ANK1: variants seen among roughly 807,000 people sequenced by gnomAD.
ANK1 encodes ankyrin-1.
Under a neutral mutation model 210.4 loss-of-function variants are expected in ANK1, and 51 were observed. That is an observed-to-expected ratio of 0.24 (90% CI 0.19 to 0.31). The LOEUF is 0.31. Among genes scored for constraint, ANK1 ranks in the 10% least tolerant of loss-of-function variants. The probability of loss-of-function intolerance (pLI) is 1.00; values close to 1 mark genes in which losing one functional copy is unlikely to be tolerated. For missense variants in ANK1, 2,051 were observed against 2,504.4 expected (o/e 0.82, Z 3.86); for synonymous variants, 967 against 1,025.9 (o/e 0.94, Z 1.10).
intron 1 of ANK1, among the ~76,000 whole-genome samples, chr8:41,851,435 C>T (rs991979750): frequency 2.6e-5 from 4 of 152,228 alleles, no homozygotes; most frequent in Admixed American, 6.5e-5. Flanking sequence ...TGCCTAGCTC[C>T]GTGCTAGGCA....
In ANK1 at chr8:41,692,640, C is replaced by T; in HGVS notation, c.3858+8G>A. On this transcript the variant is annotated splice_region_variant and intron_variant, in intron 31 of 42. Transcript: ENST00000289734. ...TCCCAGAGGCGGTGCAGGGCCCAGC[C>T]CTGTTACCTCTATGTCCCTGCTCCG... 2 of 1,611,352 alleles carry T rather than the reference C, an allele frequency of 1.2e-6. No individual in the cohort carries two copies. The highest frequency in any genetic ancestry group is 8.5e-7 in the Non-Finnish European group (1 of 1,178,540).
intron 1 of ANK1, among the ~76,000 whole-genome samples, chr8:41,866,069 T>C (rs1188419042): frequency 7.9e-5 from 12 of 152,212 alleles, no homozygotes; most frequent in Non-Finnish European, 1.8e-4. Flanking sequence ...TACCCTTCAG[T>C]GGGGACGTAT....
intron 1 of ANK1, among the ~76,000 whole-genome samples, chr8:41,759,505 A>T (rs1185929730): frequency 2.7e-5 from 4 of 146,484 alleles, no homozygotes; most frequent in African/African-American, 1.0e-4. Flanking sequence ...ACTCCGTCTC[A>T]AAAACAAACA....
intron 1 of ANK1, among the ~76,000 whole-genome samples, chr8:41,877,008 T>C (rs1016992311): frequency 6.6e-6 from 1 of 152,162 alleles, no homozygotes; most frequent in African/African-American, 2.4e-5. Context: ...AATAAGACTT[T>C]ATGGGCTGAG....
chr8:41,879,491 C>T (rs1012360716), intron 1 of ANK1, among the ~76,000 whole-genome samples: 8 of 152,226 alleles, frequency 5.3e-5, no homozygotes, highest in African/African-American at 1.4e-4. Flanking sequence ...GATTCCCTCT[C>T]AACAGAACAG....
chr8:41,828,025 C>T (rs1278521449), intron 1 of ANK1: 3 of 152,002 alleles, frequency 2.0e-5, no homozygotes, highest in Non-Finnish European at 4.4e-5. Context: ...GAAGCCCCCA[C>T]TGTTTGCAAC....
chr8:41,832,298 G>A (rs528356900), intron 1 of ANK1, among the ~76,000 whole-genome samples: 2 of 152,084 alleles, frequency 1.3e-5, no homozygotes, highest in Non-Finnish European at 2.9e-5. Flanking sequence ...CGTTCCCTGG[G>A]ACCCACCTCC....
chr8:41,668,634 T>C (rs1207917024), intron 38 of ANK1, 70 bp from the exon 39 acceptor site: 2 of 1,489,852 alleles, frequency 1.3e-6, no homozygotes, highest in African/African-American at 2.8e-5. Context: ...CCCATCAGTC[T>C]CATTCCTTTT....
chr8:41,757,926 T>G, intron 2 of ANK1, 110 bp downstream of exon 2: 1 of 1,032,182 alleles, frequency 9.7e-7, no homozygotes, highest in Non-Finnish European at 1.5e-6. Context: ...CTGGGGGAGT[T>G]TTGAGGCCAC....
At chr8:41,706,112 C>G in intron 18 of ANK1, 31 bp downstream of exon 18, 1 of 1,602,660 alleles carries the variant, frequency 6.2e-7, no homozygotes, top group Non-Finnish European at 8.5e-7. Flanking sequence ...AAGGAGTCCA[C>G]ACAGACTGAA....
intron 16 of ANK1, among the ~76,000 whole-genome samples, chr8:41,712,113 CG>C (rs902281643): frequency 4.0e-4 from 61 of 152,140 alleles, no homozygotes; most frequent in Middle Eastern, 3.4e-3. Context: ...TTAGTAGAGA[CG>C]GGGTTTCACC....
rs1586364742 is a variant in ANK1 at position 41,714,068 on chromosome 8, C to T, written c.1800+88G>A. The T allele has an allele frequency of 1.0e-5, 10 of 958,432 alleles. No individual in the cohort carries two copies. In the East Asian group the frequency reaches 3.1e-4, roughly 30 times the overall value. 59.4% of individuals were successfully genotyped at this position (958,432 alleles called of 1,614,324 possible). A position where few individuals can be genotyped will look rare whatever the true frequency, so the allele number is the denominator to read the frequency against. ...AGCAACAGAACGCAAAACCCTTGGG[C>T]TGCTGTGGAAACCCCCCTCCCTGAG... On this transcript the variant is annotated intron_variant, in intron 16 of 42. Coordinates refer to ENST00000289734, the MANE Select transcript of ANK1 (RefSeq NM_000037.4).
intron 39 of ANK1, 111 bp from the exon 40 acceptor site, chr8:41,663,853 A>C: frequency 1.5e-5 from 13 of 849,094 alleles, no homozygotes; most frequent in Non-Finnish European, 2.0e-5. Context: ...TGGCCCAATA[A>C]CTCCCCCAGC....
chr8:41,687,757 C>T (rs2150582248), intron 35 of ANK1, among the ~76,000 whole-genome samples: 1 of 152,362 alleles, frequency 6.6e-6, no homozygotes, highest in African/African-American at 2.4e-5. Context: ...GGGCACAGCA[C>T]ATTCTGAGCC....
At chr8:41,724,388 T>C in intron 7 of ANK1, 68 bp downstream of exon 7, 1 of 1,335,744 alleles carries the variant, frequency 7.5e-7, no homozygotes, top group Non-Finnish European at 1.0e-6. Flanking sequence ...AAACCCATGG[T>C]GCCGAGGCAG....
At position 41,684,351 on chromosome 8, in the gene ANK1, G is replaced by T. The variant is rs1283887477; in HGVS notation, c.4537+193C>A. On this transcript the variant is annotated intron_variant, in intron 37 of 42. Coordinates refer to ENST00000289734, the MANE Select transcript of ANK1 (RefSeq NM_000037.4). Reference sequence around the variant, plus strand: ...GCGGAGGCGATGCCCACCTGCACAGGAGCAGCCATCTCTCTCTCCTTCGCC... The same window carrying T: ...GCGGAGGCGATGCCCACCTGCACAGTAGCAGCCATCTCTCTCTCCTTCGCC... 7 of 921,452 alleles carry T rather than the reference G, an allele frequency of 7.6e-6. 1 individual carries two copies. In the Middle Eastern group the frequency reaches 8.9e-4, roughly 117 times the overall value. The allele number at this position is 921,452 out of a possible 1,614,324, so 57.1% of individuals were successfully genotyped here.
rs556149709 is a variant in ANK1 at position 41,695,540 on chromosome 8, C to T, written c.2961-209G>A. 5.5e-4 allele frequency among the ~76,000 whole-genome samples: 84 copies of T among 152,364 alleles called. 1 individual carries two copies. The highest frequency in any genetic ancestry group is 5.4e-3 in the Admixed American group (82 of 15,310). On this transcript the variant is annotated intron_variant, in intron 26 of 42. Coordinates refer to ENST00000289734, the MANE Select transcript of ANK1 (RefSeq NM_000037.4). ...TGGCCCCGCTTGCTCCCCGCCAGGC[C>T]TGCAGTGACAGTGAGGGCAGGACCA...
intron 1 of ANK1, among the ~76,000 whole-genome samples, chr8:41,887,242 CTTTTTTTT>C (rs35112522): frequency 1.4e-4 from 11 of 80,712 alleles, no homozygotes; most frequent in Non-Finnish European, 2.2e-4. Context: ...CTTTCCTTTC[CTTTTTTTT>C]TTTTTTTTTT....
chr8:41,687,853 C>A (rs572831244), intron 35 of ANK1, among the ~76,000 whole-genome samples: 41 of 152,354 alleles, frequency 2.7e-4, no homozygotes, highest in African/African-American at 9.4e-4. Flanking sequence ...GCCACAGCCA[C>A]AGACCATAGC....
Sources: gnomAD v4.1 joint callset for allele counts (sites outside exome capture counted in the v4.1 genomes callset) on GRCh38, gnomAD v4.1.1 for gene constraint, MANE v1.5 for transcripts, NCBI Gene and HGNC (gene_info 2026-07-23, HGNC 2026-07-21) for gene names.